The following SPRYD7 variants were observed in gnomAD, a reference collection of about 807,000 sequenced individuals.
SPRYD7 encodes the protein SPRY domain containing 7, also known as SPRY domain-containing protein 7.
In SPRYD7, 14 loss-of-function variants were observed where a neutral mutation model predicts 23.8. The ratio of observed to expected loss-of-function variants is 0.59; its 90% confidence interval spans 0.39 to 0.92. The LOEUF is 0.92. SPRYD7 is among the 40% of genes least tolerant of loss of function. The probability of loss-of-function intolerance (pLI) is 0.00; values close to 1 mark genes in which losing one functional copy is unlikely to be tolerated. For synonymous variants in SPRYD7, 75 were observed against 84.9 expected (o/e 0.88, Z 0.64); for missense variants, 194 against 241.7 (o/e 0.80, Z 1.31).
At chr13:49,930,321 C>T (rs560029076) in intron 2 of SPRYD7, among the ~76,000 whole-genome samples, 4 of 152,164 alleles carry the variant, frequency 2.6e-5, no homozygotes, top group Admixed American at 1.3e-4. Flanking sequence ...CTGGCTCATG[C>T]CTGTAATCCC....
rs191838495 is a variant in SPRYD7 at position 49,927,419 on chromosome 13, C to A, written c.390+500G>T. 1.3e-3 allele frequency among the ~76,000 whole-genome samples: 195 copies of A among 151,688 alleles called. 2 individuals are homozygous for A. Among genetic ancestry groups the A allele is most frequent in the African/African-American group, 4.5e-3 (184 of 41,304 alleles). ...GCTGAGGCCGGAGAATAGCTTGAAC[C>A]TGGGAGGCAGAGGTTGCAGTGAGCC... On this transcript the variant is annotated intron_variant, in intron 3 of 4. Coordinates refer to ENST00000361840, the MANE Select transcript of SPRYD7 (RefSeq NM_020456.4).
At chr13:49,923,392 C>T (rs1204839346) in intron 3 of SPRYD7, among the ~76,000 whole-genome samples, 5 of 152,000 alleles carry the variant, frequency 3.3e-5, no homozygotes, top group Admixed American at 1.3e-4. Flanking sequence ...TACAGGCGCC[C>T]GCCACCATGC....
At chr13:49,918,638 A>G (rs1955779578) in intron 4 of SPRYD7, among the ~76,000 whole-genome samples, 1 of 151,932 alleles carries the variant, frequency 6.6e-6, no homozygotes, top group Non-Finnish European at 1.5e-5. Context: ...TTGGCCTCCC[A>G]AACTGCTGGG....
intron 2 of SPRYD7, among the ~76,000 whole-genome samples, chr13:49,929,763 G>C (rs1955926118): frequency 6.6e-6 from 1 of 150,598 alleles, no homozygotes; most frequent in African/African-American, 2.4e-5. Context: ...CAAAGTGCTG[G>C]GTTACAGGCG....
At chr13:49,919,705 T>G (rs1351571241) in intron 4 of SPRYD7, among the ~76,000 whole-genome samples, 4 of 126,674 alleles carry the variant, frequency 3.2e-5, no homozygotes, top group African/African-American at 6.2e-5. Flanking sequence ...CCAGTCTGGG[T>G]GACAGAGTGA....
rs939127069 is a variant in SPRYD7 at position 49,914,890 on chromosome 13, A to G, written c.*173T>C. 2.5e-5 allele frequency: 9 copies of G among 358,066 alleles called. No homozygotes were observed. Among genetic ancestry groups the G allele is most frequent in the Admixed American group, 4.6e-5 (1 of 21,536 alleles). 22.2% of individuals were successfully genotyped at this position (358,066 alleles called of 1,614,324 possible). A position where few individuals can be genotyped will look rare whatever the true frequency, so the allele number is the denominator to read the frequency against. The stretch of plus-strand genomic sequence containing the variant: ...TGCTTATTTTCATTTCACAAAACAT[A>G]AAGTATTTTAAATCACAACTTCAGG... On this transcript the variant is annotated 3_prime_UTR_variant, in exon 5 of 5. Coordinates refer to ENST00000361840, the MANE Select transcript of SPRYD7 (RefSeq NM_020456.4).
intron 3 of SPRYD7, among the ~76,000 whole-genome samples, chr13:49,924,851 C>A (rs1309588459): frequency 6.6e-6 from 1 of 150,872 alleles, no homozygotes; most frequent in Non-Finnish European, 1.5e-5. Flanking sequence ...TGGCAGGCAC[C>A]TGTAATTGTA....
At chr13:49,932,320 A>G (rs1246295992) in intron 1 of SPRYD7, among the ~76,000 whole-genome samples, 1 of 152,214 alleles carries the variant, frequency 6.6e-6, no homozygotes, top group Non-Finnish European at 1.5e-5. Context: ...TTATTAAGAT[A>G]GCTACTTCAA....
At chr13:49,931,357 T>C (rs1235619660) in intron 1 of SPRYD7, among the ~76,000 whole-genome samples, 1 of 152,032 alleles carries the variant, frequency 6.6e-6, no homozygotes, top group African/African-American at 2.4e-5. Context: ...ATTTTTATAT[T>C]TTTAGTAGAG....
At chr13:49,919,374 T>C (rs971488710) in intron 4 of SPRYD7, among the ~76,000 whole-genome samples, 2 of 152,064 alleles carry the variant, frequency 1.3e-5, no homozygotes, top group African/African-American at 4.8e-5. Context: ...TGAAACCCCA[T>C]CTCTACTAAA....
chr13:49,928,564 T>C (rs1448778099), intron 2 of SPRYD7, among the ~76,000 whole-genome samples: 1 of 152,246 alleles, frequency 6.6e-6, no homozygotes, highest in Non-Finnish European at 1.5e-5. Context: ...ATCTTGACTC[T>C]GCTACATCAT....
intron 4 of SPRYD7, among the ~76,000 whole-genome samples, chr13:49,921,135 G>T (rs1410430561): frequency 6.6e-6 from 1 of 152,084 alleles, no homozygotes; most frequent in East Asian, 1.9e-4. Flanking sequence ...GGACCCAGTG[G>T]GAGGTAATTG....
intron 2 of SPRYD7, among the ~76,000 whole-genome samples, chr13:49,928,517 A>C (rs943004850): frequency 1.3e-5 from 2 of 152,360 alleles, no homozygotes; most frequent in African/African-American, 2.4e-5. Flanking sequence ...CTAGGAGATA[A>C]GAGAGTGGGC....
rs760148376 is a variant in SPRYD7, at chr13:49,931,070, G to A, written c.171C>T (p.Ser57=). The A allele has an allele frequency of 3.5e-5, 57 of 1,613,378 alleles. No homozygotes were observed. The highest frequency in any genetic ancestry group is 4.4e-5 in the Non-Finnish European group (52 of 1,179,670). ...AGCTTTTGTTTTGATGTAAAGGTGC[G>A]CTGGCTAAACAACCTCCTGTTCCAC... ...RICGTGGCLA[S]APLHQNKSYF... The change falls in exon 2 of 5, where the codon AGC becomes AGT. Residue 57 remains serine, a synonymous_variant. Coordinates refer to ENST00000361840, the MANE Select transcript of SPRYD7 (RefSeq NM_020456.4).
At chr13:49,927,207 AT>A (rs1180197229) in intron 3 of SPRYD7, among the ~76,000 whole-genome samples, 1 of 152,188 alleles carries the variant, frequency 6.6e-6, no homozygotes, top group African/African-American at 2.4e-5. Context: ...TAAGAAATAC[AT>A]GTGTGGCTAG....
At chr13:49,924,976 CA>C (rs1227471302) in intron 3 of SPRYD7, among the ~76,000 whole-genome samples, 136 of 94,120 alleles carry the variant, frequency 1.4e-3, no homozygotes, top group Non-Finnish European at 2.1e-3. Flanking sequence ...AACTCCATCT[CA>C]AAAAAAAAAA....
At chr13:49,929,235 A>C (rs752680221) in intron 2 of SPRYD7, among the ~76,000 whole-genome samples, 2 of 152,150 alleles carry the variant, frequency 1.3e-5, no homozygotes, top group Non-Finnish European at 2.9e-5. Flanking sequence ...GCTTCAGCCT[A>C]GAAGCTCAAG....
chr13:49,916,185 G>A, intron 4 of SPRYD7, among the ~76,000 whole-genome samples: 1 of 152,110 alleles, frequency 6.6e-6, no homozygotes. Context: ...CCACCCAATA[G>A]TGATTACTCC....
At chr13:49,931,687 A>G (rs916990104) in intron 1 of SPRYD7, among the ~76,000 whole-genome samples, 6 of 152,148 alleles carry the variant, frequency 3.9e-5, no homozygotes, top group Non-Finnish European at 5.9e-5. Context: ...AGTGGTTCGT[A>G]CCTGTAATCC....
Sources: gnomAD v4.1 joint callset for allele counts (sites outside exome capture counted in the v4.1 genomes callset) on GRCh38, gnomAD v4.1.1 for gene constraint, MANE v1.5 for transcripts, NCBI Gene and HGNC (gene_info 2026-07-23, HGNC 2026-07-21) for gene names.